FAM13C: variants seen among roughly 807,000 people sequenced by gnomAD.
The protein encoded by FAM13C is family with sequence similarity 13 member C.
In FAM13C, 37 loss-of-function variants were observed where a neutral mutation model predicts 73.2. The ratio of observed to expected loss-of-function variants is 0.51; its 90% CI spans 0.39 to 0.67. FAM13C has a LOEUF of 0.67. Ranked by LOEUF, FAM13C falls within the 30% of genes least tolerant of loss-of-function variation. The pLI, the probability that FAM13C is intolerant of heterozygous loss-of-function variation, is 0.00. For missense variants in FAM13C, 589 were observed against 715.6 expected (o/e 0.82, Z 2.02); for synonymous variants, 246 against 260.9 (o/e 0.94, Z 0.55).
chr10:59,348,489 C>T (rs979094654), intron 3 of FAM13C, among the ~76,000 whole-genome samples: 2 of 152,230 alleles, frequency 1.3e-5, no homozygotes, highest in African/African-American at 4.8e-5. Flanking sequence ...TGACACTGAG[C>T]AGTGATAACT....
rs571051625 is a variant in FAM13C at position 59,343,090 on chromosome 10, C to T, written c.324+9180G>A. Among the ~76,000 whole-genome samples the T allele has an allele frequency of 3.9e-5, 6 of 152,288 alleles. No individual in the cohort carries two copies. In the South Asian group the frequency reaches 1.2e-3, roughly 32 times the overall value. ...GGCACCACAGGTTCAGCTGGCATAA[C>T]CCAAAATCACTCCAATCTTATAGCG... is the stretch of plus-strand genomic sequence containing the variant. On this transcript the variant is annotated intron_variant, in intron 3 of 13. Coordinates refer to ENST00000618804, the MANE Select transcript of FAM13C (RefSeq NM_198215.4).
intron 6 of FAM13C, among the ~76,000 whole-genome samples, chr10:59,279,181 G>C (rs1029359733): frequency 2.0e-5 from 3 of 152,092 alleles, no homozygotes; most frequent in African/African-American, 7.2e-5. Context: ...GGGATTCTTA[G>C]GCCTCATCTT....
chr10:59,332,133 G>A (rs1003437691), intron 3 of FAM13C, among the ~76,000 whole-genome samples: 4 of 152,084 alleles, frequency 2.6e-5, no homozygotes, highest in African/African-American at 9.7e-5. Context: ...AATATTTACA[G>A]CACTGATGGT....
At chr10:59,353,106 A>G (rs2134268232) in intron 2 of FAM13C, among the ~76,000 whole-genome samples, 1 of 152,358 alleles carries the variant, frequency 6.6e-6, no homozygotes, top group African/African-American at 2.4e-5. Flanking sequence ...AAAGTCAAAC[A>G]TCCAAATGTC....
chr10:59,313,751 C>T (rs183935684), intron 4 of FAM13C, among the ~76,000 whole-genome samples: 68 of 152,140 alleles, frequency 4.5e-4, no homozygotes, highest in African/African-American at 1.6e-3. Context: ...GATATGGAAG[C>T]ACAAGAATTT....
rs570539694 is a variant in FAM13C at position 59,267,801 on chromosome 10, C to A, written c.942+752G>T. On this transcript the variant is annotated intron_variant, in intron 8 of 13. Transcript: ENST00000618804. ...TCCCTGTTCTCTTTTATTCTAATAA[C>A]AAGCTATTCTGAGCTCTCTGCCGAA... Among the ~76,000 whole-genome samples the A allele has an allele frequency of 1.6e-4, 25 of 152,276 alleles. 1 individual carries two copies. Among genetic ancestry groups the A allele is most frequent in the Middle Eastern group, 3.4e-3 (1 of 294 alleles).
At chr10:59,254,471 CCT>C (rs747705263) in intron 10 of FAM13C, 28 bp from the exon 11 acceptor site, 121 of 1,324,232 alleles carry the variant, frequency 9.1e-5, no homozygotes, top group Non-Finnish European at 1.1e-4. Context: ...AATTATTATT[CCT>C]CTCTCAGACA....
In FAM13C at chr10:59,262,425, G is replaced by T. The variant is rs1436569804; in HGVS notation, c.1236+9C>A. ...GGGGCCCTCTATATAACAAGACATG[G>T]TGATGTACCTTAGAATCCTCCTGGG... On this transcript the variant is annotated intron_variant, in intron 10 of 13. Transcript: ENST00000618804. 1.9e-6 allele frequency: 3 copies of T among 1,612,244 alleles called. No individual in the cohort carries two copies. In the East Asian group the frequency reaches 6.7e-5, roughly 36 times the overall value.
chr10:59,349,870 G>A (rs564659489), intron 3 of FAM13C, among the ~76,000 whole-genome samples: 1 of 152,202 alleles, frequency 6.6e-6, no homozygotes, highest in South Asian at 2.1e-4. Flanking sequence ...TATATAAGAA[G>A]TCCTCTCTAT....
intron 3 of FAM13C, among the ~76,000 whole-genome samples, chr10:59,350,568 C>T (rs1398908081): frequency 6.6e-6 from 1 of 152,192 alleles, no homozygotes; most frequent in Non-Finnish European, 1.5e-5. Context: ...CTTATCATAA[C>T]TCAAATGGTA....
At chr10:59,282,410 T>C (rs1046708618) in intron 6 of FAM13C, among the ~76,000 whole-genome samples, 1 of 152,206 alleles carries the variant, frequency 6.6e-6, no homozygotes, top group African/African-American at 2.4e-5. Context: ...TTAAAATTTG[T>C]TTAAATTGTT....
intron 11 of FAM13C, 109 bp downstream of exon 11, chr10:59,254,239 T>C: frequency 3.1e-6 from 2 of 636,064 alleles, no homozygotes; most frequent in East Asian, 6.1e-5. Context: ...TAGCCTTGTT[T>C]GCAGTATATA....
At chr10:59,360,509 T>C (rs1253286935) in intron 1 of FAM13C, among the ~76,000 whole-genome samples, 1 of 152,090 alleles carries the variant, frequency 6.6e-6, no homozygotes, top group African/African-American at 2.4e-5. Context: ...TCTCAGGATA[T>C]AGCACCTTGG....
rs182536383 is a variant in FAM13C at position 59,304,338 on chromosome 10, T to C, written c.444-1474A>G. On this transcript the variant is annotated intron_variant, in intron 4 of 13. Coordinates refer to ENST00000618804, the MANE Select transcript of FAM13C (RefSeq NM_198215.4). ...TTACTCTGTCAATAAGTTCTTTTGC[T>C]ATGCATATGCTCTTTCATTTAATTA... is the stretch of plus-strand genomic sequence containing the variant. Among the ~76,000 whole-genome samples, 572 of 152,338 alleles carry C rather than the reference T, an allele frequency of 3.8e-3. 4 individuals carry two copies. The highest frequency in any genetic ancestry group is 0.013 in the African/African-American group (557 of 41,574).
At chr10:59,328,142 G>C (rs1851430970) in intron 3 of FAM13C, among the ~76,000 whole-genome samples, 1 of 152,152 alleles carries the variant, frequency 6.6e-6, no homozygotes, top group Non-Finnish European at 1.5e-5. Context: ...CAAATGCAGG[G>C]ACCATCAAAT....
intron 5 of FAM13C, among the ~76,000 whole-genome samples, chr10:59,284,584 C>CCA (rs985312585): frequency 4.0e-5 from 6 of 150,778 alleles, no homozygotes; most frequent in African/African-American, 7.3e-5. Flanking sequence ...ACCCCCTACT[C>CCA]CACACACACA....
intron 5 of FAM13C, among the ~76,000 whole-genome samples, chr10:59,299,938 CA>C: frequency 6.6e-6 from 1 of 152,232 alleles, no homozygotes; most frequent in East Asian, 1.9e-4. Context: ...CAATTCCTAT[CA>C]AGAGACTCAA....
intron 4 of FAM13C, among the ~76,000 whole-genome samples, chr10:59,308,492 TTGCCACCACCAC>T (rs767484908): frequency 6.5e-5 from 9 of 138,860 alleles, no homozygotes; most frequent in East Asian, 2.2e-4. Context: ...GCCACTACCA[TTGCCACCACCAC>T]TGCCACCACC....
intron 1 of FAM13C, among the ~76,000 whole-genome samples, chr10:59,356,568 C>G (rs1855733259): frequency 6.6e-6 from 1 of 152,186 alleles, no homozygotes; most frequent in African/African-American, 2.4e-5. Context: ...ACCATTCCCA[C>G]TCAGCCCCAT....
Sources: gnomAD v4.1 joint callset for allele counts (sites outside exome capture counted in the v4.1 genomes callset) on GRCh38, gnomAD v4.1.1 for gene constraint, MANE v1.5 for transcripts, NCBI Gene and HGNC (gene_info 2026-07-23, HGNC 2026-07-21) for gene names.